Variants in ATP8A2 observed in about 807,000 individuals in gnomAD.
ATP8A2 encodes the protein ATPase phospholipid transporting 8A2.
Under a neutral mutation model 165.6 loss-of-function variants are expected in ATP8A2, and 100 were observed. That is an observed-to-expected ratio of 0.60 (90% confidence interval 0.51 to 0.71). ATP8A2 has a LOEUF of 0.71. ATP8A2 is among the 30% of genes least tolerant of loss of function. ATP8A2 has a pLI of 0.00. For synonymous variants in ATP8A2, 543 were observed against 548.8 expected (o/e 0.99, Z 0.15); for missense variants, 1,227 against 1,479.5 (o/e 0.83, Z 2.80).
intron 34 of ATP8A2, among the ~76,000 whole-genome samples, chr13:25,966,878 T>G (rs1329458276): frequency 6.6e-6 from 1 of 151,964 alleles, no homozygotes; most frequent in African/African-American, 2.4e-5. Context: ...AACAATGGGG[T>G]CTGTTCTACC....
At chr13:25,626,049 AAAG>A (rs2041092007) in intron 24 of ATP8A2, among the ~76,000 whole-genome samples, 1 of 152,196 alleles carries the variant, frequency 6.6e-6, no homozygotes, top group Non-Finnish European at 1.5e-5. Context: ...CCTTTCCAAA[AAAG>A]AAGATGAATA....
chr13:25,853,484 A>G lies in ATP8A2; in HGVS notation c.2957-6711A>G, dbSNP rs1238790225. ...TGTGTATATCCATAAAATATGAAAC[A>G]TGTTCTATGTCCTCCCTATTAAACA... On this transcript the variant is annotated intron_variant, in intron 30 of 36. Transcript: ENST00000381655. Among the ~76,000 whole-genome samples the G allele has an allele frequency of 2.6e-5, 4 of 151,062 alleles. No homozygotes were observed. The East Asian group carries it at 7.7e-4, about 29-fold the overall frequency.
intron 24 of ATP8A2, among the ~76,000 whole-genome samples, chr13:25,631,388 A>G (rs1251753739): frequency 6.6e-6 from 1 of 150,554 alleles, no homozygotes; most frequent in Admixed American, 6.6e-5. Context: ...AATATCTTTG[A>G]AGACCAAATA....
chr13:26,010,127 A>G (rs1956813609), intron 35 of ATP8A2, among the ~76,000 whole-genome samples: 1 of 152,216 alleles, frequency 6.6e-6, no homozygotes, highest in Non-Finnish European at 1.5e-5. Context: ...TCACCACTCT[A>G]GGCGGCATCT....
chr13:25,679,783 G>A (rs1178830274), intron 24 of ATP8A2, among the ~76,000 whole-genome samples: 1 of 152,180 alleles, frequency 6.6e-6, no homozygotes, highest in Admixed American at 6.5e-5. Context: ...CCAGGTTAGT[G>A]ACATGAAGAG....
intron 1 of ATP8A2, among the ~76,000 whole-genome samples, chr13:25,442,878 G>A (rs1390915618): frequency 6.6e-6 from 1 of 152,160 alleles, no homozygotes; most frequent in Non-Finnish European, 1.5e-5. Context: ...CTGTGACAGA[G>A]CAAGACTCTG....
Position 25,543,307 on chromosome 13 carries a change from C to T in ATP8A2, c.796C>T (p.Pro266Ser). ...TATTTTTAGCCTTGTTGCCCTTGGG[C>T]CTGACCAGATCTTATTAAGAGGTAC... ...LDGKSLVALG[P>S]DQILLRGTQL... Residue 266 changes from proline (P) to serine (S), a missense_variant, in exon 10 of 37, where the codon CCT becomes TCT. Pro to Ser is a moderately conservative substitution (Grantham distance 74, BLOSUM62 -1). Coordinates refer to ENST00000381655, the MANE Select transcript of ATP8A2 (RefSeq NM_016529.6). 6.2e-7 allele frequency: 1 copy of T among 1,608,354 alleles called. No individual in the cohort carries two copies. The highest frequency in any genetic ancestry group is 8.5e-7 in the Non-Finnish European group (1 of 1,175,696).
chr13:25,748,411 A>G (rs1433341447), intron 25 of ATP8A2, among the ~76,000 whole-genome samples: 2 of 152,208 alleles, frequency 1.3e-5, no homozygotes, highest in East Asian at 3.9e-4. Context: ...TAAATGTTAC[A>G]TAAGCTCTTT....
chr13:25,959,899 G>C (rs1312269362), intron 33 of ATP8A2, among the ~76,000 whole-genome samples: 1 of 152,152 alleles, frequency 6.6e-6, no homozygotes, highest in Non-Finnish European at 1.5e-5. Context: ...AATTGATGGG[G>C]CAAAATGTAC....
intron 25 of ATP8A2, among the ~76,000 whole-genome samples, chr13:25,715,156 A>G (rs1372883358): frequency 6.6e-6 from 1 of 152,126 alleles, no homozygotes; most frequent in Non-Finnish European, 1.5e-5. Context: ...AGCAACTACT[A>G]TGTGTATGTG....
intron 1 of ATP8A2, among the ~76,000 whole-genome samples, chr13:25,426,582 A>AGC (rs1478376955): frequency 2.6e-5 from 4 of 152,182 alleles, no homozygotes; most frequent in Non-Finnish European, 5.9e-5. Flanking sequence ...ATGTCATTAT[A>AGC]CACTTGTCCA....
chr13:25,880,965 T>A (rs184237333), intron 33 of ATP8A2: 109 of 456,496 alleles, frequency 2.4e-4, no homozygotes, highest in African/African-American at 2.1e-3. Flanking sequence ...CTTTCTCTGT[T>A]GAAGCAGCCA....
chr13:25,858,078 G>T (rs886222490), intron 30 of ATP8A2, among the ~76,000 whole-genome samples: 2 of 152,074 alleles, frequency 1.3e-5, no homozygotes, highest in African/African-American at 4.8e-5. Flanking sequence ...TCATTTCAAG[G>T]CTATAATCTA....
chr13:25,807,578 TAGTG>T (rs1313701937), intron 27 of ATP8A2, among the ~76,000 whole-genome samples: 4 of 152,198 alleles, frequency 2.6e-5, no homozygotes, highest in Non-Finnish European at 5.9e-5. Flanking sequence ...TAAAAACAAA[TAGTG>T]AGCACATTAA....
chr13:25,572,898 T>C (rs1449858104), intron 18 of ATP8A2, among the ~76,000 whole-genome samples: 1 of 152,238 alleles, frequency 6.6e-6, no homozygotes, highest in African/African-American at 2.4e-5. Flanking sequence ...GTTTTTTCTT[T>C]TAGTTATATG....
At chr13:25,569,363 GAA>G (rs1311950399) in intron 16 of ATP8A2, among the ~76,000 whole-genome samples, 1 of 152,118 alleles carries the variant, frequency 6.6e-6, no homozygotes, top group Non-Finnish European at 1.5e-5. Flanking sequence ...ACAAGACAGA[GAA>G]GAAACTAAAA....
At chr13:25,860,348 T>G (rs1332650799) in intron 31 of ATP8A2, 92 bp downstream of exon 31, 2 of 665,744 alleles carry the variant, frequency 3.0e-6, no homozygotes, top group Non-Finnish European at 5.2e-6. Flanking sequence ...TCCTCATTAT[T>G]ATTATTTATT....
intron 25 of ATP8A2, among the ~76,000 whole-genome samples, chr13:25,708,098 A>G (rs1231934205): frequency 6.6e-6 from 1 of 152,002 alleles, no homozygotes; most frequent in Non-Finnish European, 1.5e-5. Context: ...GTCATTTTTG[A>G]CAATACTGCT....
intron 1 of ATP8A2, among the ~76,000 whole-genome samples, chr13:25,457,121 T>A (rs2137465564): frequency 6.6e-6 from 1 of 152,322 alleles, no homozygotes. Flanking sequence ...TACGTTAATC[T>A]TTAGTATTTG....
Sources: allele counts gnomAD v4.1 joint callset (sites outside exome capture counted in the v4.1 genomes callset), GRCh38; gene constraint gnomAD v4.1.1; transcripts MANE v1.5; gene names NCBI Gene and HGNC (gene_info 2026-07-23, HGNC 2026-07-21).